Variants in IRAK4 observed in about 807,000 individuals in gnomAD.
The protein encoded by IRAK4 is interleukin-1 receptor-associated kinase 4.
Under a neutral mutation model 51.8 loss-of-function variants are expected in IRAK4, and 44 were observed. The observed-to-expected ratio is 0.85, with a 90% CI of 0.67 to 1.09. The LOEUF is 1.09. Ranked by LOEUF, IRAK4 falls within the 50% of genes least tolerant of loss-of-function variation. IRAK4 has a pLI of 0.00. For missense variants in IRAK4, 487 were observed against 538.0 expected (o/e 0.91, Z 0.94); for synonymous variants, 149 against 174.1 (o/e 0.86, Z 1.13).
rs912517948 is a variant in IRAK4 at position 43,777,521 on chromosome 12, C to T, written c.717-109C>T. 5 of 873,006 alleles carry T rather than the reference C, an allele frequency of 5.7e-6. No individual in the cohort carries two copies. The Middle Eastern group carries it at 1.0e-3, about 181-fold the overall frequency. 54.1% of individuals were successfully genotyped at this position (873,006 alleles called of 1,614,324 possible). ...ACATCAAGTTAGAAATAATATATAA[C>T]ATACTATTTTTTTGCTCTTTTTTTC... On this transcript the variant is annotated intron_variant, in intron 6 of 11. Transcript: ENST00000613694.
intron 10 of IRAK4, among the ~76,000 whole-genome samples, chr12:43,785,116 C>T (rs1308440036): frequency 2.6e-5 from 4 of 152,070 alleles, no homozygotes; most frequent in Non-Finnish European, 5.9e-5. Flanking sequence ...TTGCCTTGCT[C>T]ATTGGATGTA....
At chr12:43,773,928 A>G in intron 5 of IRAK4, 37 bp from the exon 6 acceptor site, 1 of 1,342,012 alleles carries the variant, frequency 7.5e-7, no homozygotes, top group Non-Finnish European at 1.1e-6. Context: ...GAACCTTAGA[A>G]TTGTGTAGTA....
rs1454349746 is a variant in IRAK4 at position 43,787,734 on chromosome 12, GA to G, written c.*1020del. ...ATGAGAATCTATCTGTTCTGTGCTGGACTTCTAATATATAGAACTGTGAGAT... is the reference window on the plus strand; with the variant it reads ...ATGAGAATCTATCTGTTCTGTGCTGGCTTCTAATATATAGAACTGTGAGAT... On this transcript the variant is annotated 3_prime_UTR_variant, in exon 12 of 12. Coordinates refer to ENST00000613694, the MANE Select transcript of IRAK4 (RefSeq NM_016123.4). The G allele has an allele frequency of 6.6e-6, 1 of 152,176 alleles. No individual in the cohort carries two copies. The highest frequency in any genetic ancestry group is 1.9e-4 in the East Asian group (1 of 5,194). The allele number at this position is 152,176 out of a possible 1,614,324, so 9.4% of individuals were successfully genotyped here.
intron 8 of IRAK4, among the ~76,000 whole-genome samples, chr12:43,780,899 T>C (rs1441458118): frequency 6.6e-6 from 1 of 152,188 alleles, no homozygotes; most frequent in African/African-American, 2.4e-5. Context: ...TGAGTGATAT[T>C]ATGTTAATTT....
At chr12:43,773,658 A>G (rs551463342) in intron 5 of IRAK4, 3 of 254,272 alleles carry the variant, frequency 1.2e-5, no homozygotes, top group Admixed American at 1.0e-4. Flanking sequence ...TCCATTTTGC[A>G]CCTAAATTGC....
intron 1 of IRAK4, among the ~76,000 whole-genome samples, chr12:43,761,624 G>T (rs1939567777): frequency 6.6e-6 from 1 of 152,154 alleles, no homozygotes; most frequent in South Asian, 2.1e-4. Context: ...GGTCACAGTT[G>T]GCTTTGGTTA....
chr12:43,782,754 T>C (rs1161617739), intron 9 of IRAK4, among the ~76,000 whole-genome samples: 1 of 152,230 alleles, frequency 6.6e-6, no homozygotes, highest in East Asian at 1.9e-4. Flanking sequence ...ATGCATTAAA[T>C]GAATCATGTC....
At position 43,786,767 on chromosome 12, in the gene IRAK4, T is replaced by A. The variant is rs184380424; in HGVS notation, c.*52T>A. The A allele has an allele frequency of 6.9e-7, 1 of 1,454,212 alleles. No homozygotes were observed. The highest frequency in any genetic ancestry group is 9.6e-7 in the Non-Finnish European group (1 of 1,039,410). 90.1% of individuals were successfully genotyped at this position (1,454,212 alleles called of 1,614,324 possible). A position where few individuals can be genotyped will look rare whatever the true frequency, so the allele number is the denominator to read the frequency against. On this transcript the variant is annotated 3_prime_UTR_variant, in exon 12 of 12. Coordinates refer to ENST00000613694, the MANE Select transcript of IRAK4 (RefSeq NM_016123.4). ...TTTTATATACACCTATCTCAACCATTTTTTTAACTGATTTTTTTCCTAAAT... is the reference window on the plus strand; with the variant it reads ...TTTTATATACACCTATCTCAACCATATTTTTAACTGATTTTTTTCCTAAAT...
chr12:43,762,507 A>G (rs1939670436), intron 1 of IRAK4, among the ~76,000 whole-genome samples: 1 of 152,226 alleles, frequency 6.6e-6, no homozygotes, highest in Non-Finnish European at 1.5e-5. Flanking sequence ...TGCAGAGTCT[A>G]TAGGCAACCT....
rs577723330 is a variant in IRAK4, at chr12:43,781,972, T to C, written c.942-335T>C. 2.6e-5 allele frequency among the ~76,000 whole-genome samples: 4 copies of C among 152,362 alleles called. No individual in the cohort carries two copies. In the South Asian group the frequency reaches 6.2e-4, roughly 24 times the overall value. ...TGGAAGACTTTGTAGTAATTTACCC[T>C]ATAATAAATGATTTGTGGAATAATG... On this transcript the variant is annotated intron_variant, in intron 8 of 11. Coordinates refer to ENST00000613694, the MANE Select transcript of IRAK4 (RefSeq NM_016123.4).
intron 1 of IRAK4, among the ~76,000 whole-genome samples, chr12:43,764,238 A>G (rs1939880455): frequency 1.3e-5 from 2 of 152,204 alleles, no homozygotes; most frequent in African/African-American, 4.8e-5. Flanking sequence ...AGCCTGGTCA[A>G]CATGGCGAAA....
At chr12:43,761,654 C>T (rs1034951011) in intron 1 of IRAK4, among the ~76,000 whole-genome samples, 1 of 152,200 alleles carries the variant, frequency 6.6e-6, no homozygotes, top group Non-Finnish European at 1.5e-5. Context: ...CCTGTGCAAC[C>T]TCAAAGTTCA....
chr12:43,780,502 A>G (rs2138028760), intron 8 of IRAK4, among the ~76,000 whole-genome samples: 1 of 151,990 alleles, frequency 6.6e-6, no homozygotes, highest in Non-Finnish European at 1.5e-5. Context: ...AAGAAACGCC[A>G]TCTCCTATCC....
At chr12:43,780,945 G>T (rs911488997) in intron 8 of IRAK4, among the ~76,000 whole-genome samples, 1 of 152,142 alleles carries the variant, frequency 6.6e-6, no homozygotes, top group African/African-American at 2.4e-5. Context: ...TTTTGAATCT[G>T]TATTATTAGC....
intron 1 of IRAK4, among the ~76,000 whole-genome samples, chr12:43,767,044 G>A (rs1940222247): frequency 6.6e-6 from 1 of 152,056 alleles, no homozygotes; most frequent in Non-Finnish European, 1.5e-5. Flanking sequence ...GAAGCTTTTC[G>A]CTTTTTACTC....
In IRAK4 at chr12:43,788,345, C is replaced by T. The variant is rs1302132809; in HGVS notation, c.*1630C>T. On this transcript the variant is annotated 3_prime_UTR_variant, in exon 12 of 12. Coordinates refer to ENST00000613694, the MANE Select transcript of IRAK4 (RefSeq NM_016123.4). Reference sequence around the variant, plus strand: ...CTATGGGAAGGGTGCTGCCACCCTCCAGACTTGAGAATTGTAGAGCCACCA... The same window carrying T: ...CTATGGGAAGGGTGCTGCCACCCTCTAGACTTGAGAATTGTAGAGCCACCA... The T allele has an allele frequency of 6.6e-6, 1 of 152,186 alleles. No individual in the cohort carries two copies. Among genetic ancestry groups the T allele is most frequent in the African/African-American group, 2.4e-5 (1 of 41,384 alleles). The allele number at this position is 152,186 out of a possible 1,614,324, so 9.4% of individuals were successfully genotyped here.
chr12:43,769,268 A>G (rs1031416421), intron 2 of IRAK4, among the ~76,000 whole-genome samples: 11 of 152,196 alleles, frequency 7.2e-5, no homozygotes, highest in African/African-American at 9.7e-5. Context: ...GCAACCACCA[A>G]TGAGTAACTG....
At chr12:43,764,801 T>A (rs1317570807) in intron 1 of IRAK4, among the ~76,000 whole-genome samples, 2 of 152,218 alleles carry the variant, frequency 1.3e-5, no homozygotes, top group African/African-American at 4.8e-5. Context: ...TGACTAAAGC[T>A]GTAACAGAAA....
rs558155645 is a variant in IRAK4, at chr12:43,765,098, C to T, written c.-9-3005C>T. ...AGGAAATGGTTTAGGATCTTCATCC[C>T]ACTTGTTTAAAGTTTCCATTGAAAG... On this transcript the variant is annotated intron_variant, in intron 1 of 11. Transcript: ENST00000613694. Among the ~76,000 whole-genome samples, 141 of 152,310 alleles carry T rather than the reference C, an allele frequency of 9.3e-4. 1 individual carries two copies. Among genetic ancestry groups the T allele is most frequent in the African/African-American group, 3.2e-3 (133 of 41,578 alleles).
Sources: gnomAD v4.1 joint callset for allele counts (sites outside exome capture counted in the v4.1 genomes callset) on GRCh38, gnomAD v4.1.1 for gene constraint, MANE v1.5 for transcripts, NCBI Gene and HGNC (gene_info 2026-07-23, HGNC 2026-07-21) for gene names.